The following RBFOX1 variants were observed in gnomAD, a reference collection of about 807,000 sequenced individuals.
The protein encoded by RBFOX1 is RNA binding protein fox-1 homolog 1.
RBFOX1 carries 8 observed loss-of-function variants against 57.7 expected under a neutral mutation model. That is an observed-to-expected ratio of 0.14 (90% CI 0.08 to 0.25). The LOEUF is 0.25. RBFOX1 is among the 10% of genes least tolerant of loss of function. The pLI is 1.00. For missense variants in RBFOX1, 611 were observed against 548.5 expected (o/e 1.11, Z -1.14); for synonymous variants, 326 against 222.4 (o/e 1.47, Z -4.15).
At chr16:6,532,140 C>G (rs2096666698) in intron 2 of RBFOX1, among the ~76,000 whole-genome samples, 1 of 152,248 alleles carries the variant, frequency 6.6e-6, no homozygotes, top group Non-Finnish European at 1.5e-5. Flanking sequence ...CCTTCTTGAG[C>G]TCACCCTGGC....
intron 4 of RBFOX1, among the ~76,000 whole-genome samples, chr16:7,441,839 C>A (rs1048219484): frequency 6.6e-6 from 1 of 152,192 alleles, no homozygotes; most frequent in Non-Finnish European, 1.5e-5. Flanking sequence ...CAGCCTGCTT[C>A]ACGATCCACT....
chr16:7,706,741 A>C lies in RBFOX1; in HGVS notation c.996-2315A>C, dbSNP rs73498766. 8.2e-3 allele frequency among the ~76,000 whole-genome samples: 1,248 copies of C among 152,240 alleles called. 20 individuals carry two copies. Among genetic ancestry groups the C allele is most frequent in the African/African-American group, 0.029 (1,195 of 41,554 alleles). On this transcript the variant is annotated intron_variant, in intron 14 of 15. Transcript: ENST00000550418. ...ATTTAAGTACCTTAAAAATAACCCTATTAACAGATTTTTCTCTGGACCAAT... is the reference window on the plus strand; with the variant it reads ...ATTTAAGTACCTTAAAAATAACCCTCTTAACAGATTTTTCTCTGGACCAAT...
At chr16:7,388,471 C>T (rs1042686527) in intron 4 of RBFOX1, among the ~76,000 whole-genome samples, 2 of 151,912 alleles carry the variant, frequency 1.3e-5, no homozygotes, top group African/African-American at 4.8e-5. Context: ...AAATTCTACT[C>T]CTCCTTTTTA....
At chr16:7,455,895 A>G (rs2058416147) in intron 4 of RBFOX1, among the ~76,000 whole-genome samples, 2 of 151,964 alleles carry the variant, frequency 1.3e-5, no homozygotes, top group African/African-American at 2.4e-5. Context: ...TCTAAGATTC[A>G]TTCTCTGTTT....
In RBFOX1 at chr16:6,964,899, G is replaced by A. The variant is rs527281037; in HGVS notation, c.-15-87158G>A. Among the ~76,000 whole-genome samples, 3 of 152,270 alleles carry A rather than the reference G, an allele frequency of 2.0e-5. No homozygotes were observed. In the East Asian group the frequency reaches 5.8e-4, roughly 29 times the overall value. ...CAAGTCACTCCTTAACCTCCTCCCT[G>A]ACTTAAGCCAGGCTAATCCCCATCT... On this transcript the variant is annotated intron_variant, in intron 3 of 15. Transcript: ENST00000550418.
At chr16:6,390,620 A>G (rs1023395252) in intron 2 of RBFOX1, among the ~76,000 whole-genome samples, 1 of 152,210 alleles carries the variant, frequency 6.6e-6, no homozygotes, top group Non-Finnish European at 1.5e-5. Context: ...ATAAACTATG[A>G]ATTAAAATTA....
chr16:6,527,769 A>G (rs923440172), intron 2 of RBFOX1, among the ~76,000 whole-genome samples: 1 of 152,198 alleles, frequency 6.6e-6, no homozygotes, highest in Admixed American at 6.5e-5. Context: ...CTTGTGGGCG[A>G]GTTAATGGTT....
intron 2 of RBFOX1, among the ~76,000 whole-genome samples, chr16:5,534,698 A>G (rs1391131799): frequency 6.6e-6 from 1 of 152,140 alleles, no homozygotes; most frequent in African/African-American, 2.4e-5. Context: ...TTCCCAGTCC[A>G]CTGACTCACG....
intron 11 of RBFOX1, among the ~76,000 whole-genome samples, chr16:7,642,599 G>A (rs1221761898): frequency 6.6e-6 from 1 of 152,136 alleles, no homozygotes; most frequent in African/African-American, 2.4e-5. Flanking sequence ...TGCTGTTTCA[G>A]CCAGCTGTTA....
chr16:6,934,341 C>A (rs549898225), intron 3 of RBFOX1, among the ~76,000 whole-genome samples: 14 of 152,056 alleles, frequency 9.2e-5, no homozygotes, highest in Non-Finnish European at 1.8e-4. Context: ...ATACAGAATA[C>A]GTATTTATGT....
intron 9 of RBFOX1, among the ~76,000 whole-genome samples, chr16:7,601,470 G>A (rs975401555): frequency 1.3e-5 from 2 of 152,160 alleles, no homozygotes; most frequent in African/African-American, 4.8e-5. Context: ...AATTCCCTGA[G>A]AGATACTAGT....
chr16:7,013,148 A>G (rs1199656272), intron 3 of RBFOX1, among the ~76,000 whole-genome samples: 1 of 152,136 alleles, frequency 6.6e-6, no homozygotes, highest in Non-Finnish European at 1.5e-5. Flanking sequence ...GATTTCACAT[A>G]CAAATTTGTG....
At chr16:7,308,731 A>G (rs1003320510) in intron 4 of RBFOX1, among the ~76,000 whole-genome samples, 2 of 152,202 alleles carry the variant, frequency 1.3e-5, no homozygotes, top group Non-Finnish European at 2.9e-5. Context: ...AGCGATTCTC[A>G]GTTCAGGGAA....
chr16:7,558,577 C>T (rs532468989), intron 5 of RBFOX1, among the ~76,000 whole-genome samples: 1 of 151,916 alleles, frequency 6.6e-6, no homozygotes, highest in East Asian at 1.9e-4. Context: ...TAATTATGGG[C>T]TTATGTCATT....
chr16:7,657,857 C>T (rs2066714924), intron 12 of RBFOX1, among the ~76,000 whole-genome samples: 1 of 152,146 alleles, frequency 6.6e-6, no homozygotes, highest in Non-Finnish European at 1.5e-5. Flanking sequence ...TGATTGCCAA[C>T]ATCAATTGAA....
At chr16:5,475,597 G>A (rs550200956) in intron 2 of RBFOX1, among the ~76,000 whole-genome samples, 2 of 152,188 alleles carry the variant, frequency 1.3e-5, no homozygotes, top group African/African-American at 4.8e-5. Context: ...TTATGTGGAG[G>A]GTTAATATTT....
intron 2 of RBFOX1, among the ~76,000 whole-genome samples, chr16:5,479,205 C>T (rs560085771): frequency 2.2e-4 from 34 of 152,246 alleles, no homozygotes; most frequent in Non-Finnish European, 4.7e-4. Context: ...TGATTTCCTT[C>T]ATGGCCCTTG....
At chr16:6,614,120 T>C (rs899694117) in intron 2 of RBFOX1, among the ~76,000 whole-genome samples, 4 of 152,192 alleles carry the variant, frequency 2.6e-5, no homozygotes, top group African/African-American at 9.7e-5. Context: ...TTTTTGGAAT[T>C]CCCAAAAAAT....
chr16:5,726,176 G>A (rs944990767), intron 3 of RBFOX1, among the ~76,000 whole-genome samples: 14 of 151,482 alleles, frequency 9.2e-5, no homozygotes, highest in African/African-American at 3.4e-4. Context: ...CTAAAGTGCT[G>A]TAGAGGCCTT....
Sources: gnomAD v4.1 joint callset for allele counts (sites outside exome capture counted in the v4.1 genomes callset) on GRCh38, gnomAD v4.1.1 for gene constraint, MANE v1.5 for transcripts, NCBI Gene and HGNC (gene_info 2026-07-23, HGNC 2026-07-21) for gene names.